The following BARD1 variants were observed in gnomAD, a reference collection of about 807,000 sequenced individuals.
The protein encoded by BARD1 is BRCA1 associated RING domain 1.
A neutral mutation model predicts 77.0 loss-of-function variants in BARD1; 73 were observed. The observed-to-expected ratio is 0.95, with a 90% CI of 0.79 to 1.15. The LOEUF is 1.15. BARD1 is among the 50% of genes most tolerant of loss of function. The pLI, the probability that BARD1 is intolerant of heterozygous loss-of-function variation, is 0.00. For synonymous variants in BARD1, 384 were observed against 338.0 expected (o/e 1.14, Z -1.49); for missense variants, 993 against 938.8 (o/e 1.06, Z -0.75).
chr2:214,804,474 TCA>T (rs1053339877), intron 1 of BARD1, among the ~76,000 whole-genome samples: 2 of 152,172 alleles, frequency 1.3e-5, no homozygotes, highest in African/African-American at 4.8e-5. Context: ...TAAATAAATC[TCA>T]CAAATAAATT....
chr2:214,735,176 C>A (rs1257020250), intron 9 of BARD1, among the ~76,000 whole-genome samples: 1 of 152,096 alleles, frequency 6.6e-6, no homozygotes, highest in Non-Finnish European at 1.5e-5. Context: ...TAATATTTTC[C>A]CTGAAAGGCA....
intron 1 of BARD1, 76 bp downstream of exon 1, chr2:214,809,336 T>A: frequency 6.3e-7 from 1 of 1,584,780 alleles, no homozygotes; most frequent in Non-Finnish European, 8.6e-7. Flanking sequence ...AACGGAAGAT[T>A]TGAAAAGATT....
intron 1 of BARD1, among the ~76,000 whole-genome samples, chr2:214,802,400 G>A (rs894628532): frequency 6.6e-6 from 1 of 152,152 alleles, no homozygotes. Context: ...ATGTTTGGTA[G>A]GGTATGTATA....
chr2:214,751,107 GTGTGTGTGTGTATATATATATATATA>G (rs1328975765), intron 7 of BARD1, among the ~76,000 whole-genome samples: 1 of 10,258 alleles, frequency 9.7e-5, no homozygotes, highest in African/African-American at 2.1e-4. Flanking sequence ...GTGTGTGTGT[GTGTGTGTGTGTATATATATATATATA>G]TATATATATA....
intron 3 of BARD1, among the ~76,000 whole-genome samples, chr2:214,788,179 T>G (rs891859781): frequency 2.2e-5 from 3 of 137,826 alleles, no homozygotes; most frequent in Non-Finnish European, 3.2e-5. Context: ...AAAAGCATAA[T>G]CAAAGTATTT....
At chr2:214,755,941 C>G (rs926183177) in intron 6 of BARD1, among the ~76,000 whole-genome samples, 1 of 152,092 alleles carries the variant, frequency 6.6e-6, no homozygotes, top group Non-Finnish European at 1.5e-5. Flanking sequence ...ATCTAGTACA[C>G]GACAGTATAT....
intron 1 of BARD1, among the ~76,000 whole-genome samples, chr2:214,801,811 G>C (rs1184428471): frequency 6.7e-6 from 1 of 149,806 alleles, no homozygotes; most frequent in Non-Finnish European, 1.5e-5. Context: ...GCATCTAGTT[G>C]GGGTTCTGGG....
intron 1 of BARD1, among the ~76,000 whole-genome samples, chr2:214,802,212 T>C (rs916842633): frequency 1.3e-5 from 2 of 152,216 alleles, no homozygotes; most frequent in Non-Finnish European, 2.9e-5. Flanking sequence ...CAATATGCAG[T>C]ACAATGCTGG....
chr2:214,766,577 A>G (rs769849967), intron 6 of BARD1, among the ~76,000 whole-genome samples: 2 of 151,960 alleles, frequency 1.3e-5, no homozygotes, highest in Non-Finnish European at 2.9e-5. Flanking sequence ...ATGTCAGCAC[A>G]GTTATCCCCA....
At chr2:214,789,654 C>T (rs1162887862) in intron 3 of BARD1, among the ~76,000 whole-genome samples, 1 of 152,250 alleles carries the variant, frequency 6.6e-6, no homozygotes, top group African/African-American at 2.4e-5. Flanking sequence ...AATACCTACA[C>T]TTCGAACCAA....
intron 6 of BARD1, among the ~76,000 whole-genome samples, chr2:214,755,853 T>C (rs573419359): frequency 1.1e-4 from 16 of 152,276 alleles, no homozygotes; most frequent in Admixed American, 9.2e-4. Flanking sequence ...CTAAATGACA[T>C]GGGTCAATGC....
intron 1 of BARD1, among the ~76,000 whole-genome samples, chr2:214,807,760 C>T (rs899558476): frequency 6.6e-6 from 1 of 151,926 alleles, no homozygotes; most frequent in African/African-American, 2.4e-5. Flanking sequence ...ACTTGGCCTA[C>T]TCAATAGTGT....
chr2:214,798,143 T>C (rs555540593), intron 1 of BARD1, among the ~76,000 whole-genome samples: 13 of 152,252 alleles, frequency 8.5e-5, no homozygotes, highest in African/African-American at 2.9e-4. Context: ...TCTTGAAAGA[T>C]TGAAAGTATC....
At chr2:214,746,744 T>TA (rs1693136560) in intron 7 of BARD1, among the ~76,000 whole-genome samples, 1 of 151,976 alleles carries the variant, frequency 6.6e-6, no homozygotes, top group African/African-American at 2.4e-5. Context: ...CTAAAACCAT[T>TA]AAAAACCCTA....
chr2:214,774,063 T>C (rs1004105187), intron 4 of BARD1, among the ~76,000 whole-genome samples: 2 of 152,216 alleles, frequency 1.3e-5, no homozygotes, highest in African/African-American at 4.8e-5. Context: ...CAACGCCTCA[T>C]CCATTGAAGT....
chr2:214,740,506 TTTGA>T (rs1192884075), intron 9 of BARD1, among the ~76,000 whole-genome samples: 5 of 152,108 alleles, frequency 3.3e-5, no homozygotes, highest in African/African-American at 4.8e-5. Context: ...TTTACTGCTC[TTTGA>T]TTATTTTTTT....
chr2:214,728,252 A>T lies in BARD1; in HGVS notation c.*424T>A, dbSNP rs1186571794. On this transcript the variant is annotated 3_prime_UTR_variant, in exon 11 of 11. Coordinates refer to ENST00000260947, the MANE Select transcript of BARD1 (RefSeq NM_000465.4). ...AATACTCTTTTTTCAATAAAGCCAA[A>T]ATAAATTGTTTGATAATATTCTGTT... The T allele has an allele frequency of 8.3e-6, 2 of 241,422 alleles. No homozygotes were observed. Among genetic ancestry groups the T allele is most frequent in the Non-Finnish European group, 1.6e-5 (2 of 123,942 alleles). 15.0% of individuals were successfully genotyped at this position (241,422 alleles called of 1,614,324 possible). A position where few individuals can be genotyped will look rare whatever the true frequency, so the allele number is the denominator to read the frequency against.
chr2:214,796,163 A>G (rs114785580), intron 2 of BARD1, among the ~76,000 whole-genome samples: 3,077 of 152,314 alleles, frequency 0.02, 91 homozygotes, highest in African/African-American at 0.067. Context: ...AAACTAAGAC[A>G]CTTAATCTCT....
rs531487250 is a variant in BARD1 at position 214,802,531 on chromosome 2, G to C, written c.159-5414C>G. Among the ~76,000 whole-genome samples the C allele has an allele frequency of 9.2e-5, 14 of 152,148 alleles. No homozygotes were observed. The South Asian group carries it at 2.9e-3, about 32-fold the overall frequency. On this transcript the variant is annotated intron_variant, in intron 1 of 10. Transcript: ENST00000260947. ...CCTGATTTTCTATTTCTCTTGTCTT[G>C]AAATTAGACTCCAGCCCTAAGACAA...
Sources: allele counts gnomAD v4.1 joint callset (sites outside exome capture counted in the v4.1 genomes callset), GRCh38; gene constraint gnomAD v4.1.1; transcripts MANE v1.5; gene names NCBI Gene and HGNC (gene_info 2026-07-23, HGNC 2026-07-21).